The following PKP2 variants were observed in gnomAD, a reference collection of about 807,000 sequenced individuals.
PKP2 encodes plakophilin-2.
A neutral mutation model predicts 83.4 loss-of-function variants in PKP2; 73 were observed. The observed-to-expected ratio is 0.88, with a 90% CI of 0.72 to 1.06. PKP2 has a LOEUF of 1.06. Among genes scored for constraint, PKP2 ranks in the 50% least tolerant of loss-of-function variants. The pLI, the probability that PKP2 is intolerant of heterozygous loss-of-function variation, is 0.00. For synonymous variants in PKP2, 409 were observed against 430.4 expected (o/e 0.95, Z 0.62); for missense variants, 966 against 1,065.4 (o/e 0.91, Z 1.30).
intron 4 of PKP2, among the ~76,000 whole-genome samples, chr12:32,858,084 A>AAATAT (rs1233128620): frequency 1.5e-5 from 1 of 67,026 alleles, no homozygotes; most frequent in East Asian, 4.8e-4. Flanking sequence ...AAAAAAAAAA[A>AAATAT]ATATATATAT....
rs768808114 is a variant in PKP2 at position 32,792,684 on chromosome 12, G to T, written c.2405C>A (p.Ser802Tyr). ...ATGCAGTTCCGTGTGTGCCCACAGA[G>T]AATACAGAAGGACGGAAGCAGCTTT... Reference protein sequence around the residue: ...ASKAASVLLYSLWAHTELHHA... With the variant: ...ASKAASVLLYYLWAHTELHHA... The change falls in exon 12 of 13, where the codon TCT (serine) becomes TAT (tyrosine). Residue 802 changes from serine (S) to tyrosine (Y), a missense_variant. Physicochemically the swap from Ser to Tyr is moderately radical, Grantham distance 144. Transcript: ENST00000340811. 2 of 1,614,114 alleles carry T rather than the reference G, an allele frequency of 1.2e-6. No homozygotes were observed. Among genetic ancestry groups the T allele is most frequent in the Non-Finnish European group, 1.7e-6 (2 of 1,179,980 alleles).
intron 5 of PKP2, among the ~76,000 whole-genome samples, chr12:32,841,420 T>C (rs116706222): frequency 0.014 from 2,112 of 152,258 alleles, 46 homozygotes; most frequent in African/African-American, 0.044. Flanking sequence ...ATACATGGCT[T>C]AGGCTACAAA....
intron 1 of PKP2, among the ~76,000 whole-genome samples, chr12:32,891,599 C>G (rs1158284019): frequency 6.6e-6 from 1 of 152,144 alleles, no homozygotes; most frequent in Admixed American, 6.5e-5. Context: ...AAAAGCTACC[C>G]TCTGTTCCCA....
chr12:32,817,232 G>A (rs1956328523), intron 9 of PKP2, among the ~76,000 whole-genome samples: 5 of 152,180 alleles, frequency 3.3e-5, no homozygotes, highest in Admixed American at 3.3e-4. Context: ...CTAGTCATAT[G>A]CAGAACAAAA....
intron 1 of PKP2, among the ~76,000 whole-genome samples, chr12:32,895,583 C>T (rs1957115241): frequency 6.6e-6 from 1 of 152,210 alleles, no homozygotes; most frequent in Non-Finnish European, 1.5e-5. Flanking sequence ...AATGCAAACT[C>T]ACATACACAG....
chr12:32,869,243 G>A (rs1291371918), intron 3 of PKP2, among the ~76,000 whole-genome samples, 181 bp from the exon 4 acceptor site: 1 of 151,922 alleles, frequency 6.6e-6, no homozygotes, highest in Admixed American at 6.5e-5. Flanking sequence ...CTACTGGATA[G>A]AAATTCTTCA....
At position 32,878,386 on chromosome 12, in the gene PKP2, T is replaced by C. The variant is rs773552936; in HGVS notation, c.494A>G (p.Asp165Gly). Residue 165 changes from aspartate (D) to glycine (G), a missense_variant, in exon 3 of 13, where the codon GAT (aspartate) becomes GGT (glycine). Coordinates refer to ENST00000340811, the MANE Select transcript of PKP2 (RefSeq NM_001005242.3). ...CTGGCTTCTCTGGCTGTACTGGTAA[T>C]CGCTGTGCGTGTAGTGAGCCCTCTC... ...SPERAHYTHS[D>G]YQYSQRSQAG... 13 of 1,613,996 alleles carry C rather than the reference T, an allele frequency of 8.1e-6. No homozygotes were observed. The highest frequency in any genetic ancestry group is 1.1e-5 in the Non-Finnish European group (13 of 1,180,000).
In PKP2 at chr12:32,885,816, C is replaced by A. The variant is rs1957025452; in HGVS notation, c.224-6784G>T. Among the ~76,000 whole-genome samples, 7 of 151,898 alleles carry A rather than the reference C, an allele frequency of 4.6e-5. No homozygotes were observed. The South Asian group carries it at 1.4e-3, about 31-fold the overall frequency. On this transcript the variant is annotated intron_variant, in intron 1 of 12. Coordinates refer to ENST00000340811, the MANE Select transcript of PKP2 (RefSeq NM_001005242.3). The stretch of plus-strand genomic sequence containing the variant: ...TGTTTCTGGGCATATTTATAAAAAA[C>A]CAACTACAGTTTCTTTTATAGTAAG...
intron 4 of PKP2, among the ~76,000 whole-genome samples, chr12:32,861,958 T>C (rs1043805315): frequency 1.3e-5 from 2 of 152,106 alleles, no homozygotes; most frequent in South Asian, 4.1e-4. Flanking sequence ...AGTGCAGTGG[T>C]GTGATCTCAG....
At chr12:32,819,346 T>TAAAATA (rs1040381911) in intron 9 of PKP2, among the ~76,000 whole-genome samples, 1 of 146,492 alleles carries the variant, frequency 6.8e-6, no homozygotes, top group Non-Finnish European at 1.5e-5. Context: ...TAAAATAAAA[T>TAAAATA]AAAGGGGCTT....
chr12:32,805,384 T>C (rs1956218130), intron 9 of PKP2, among the ~76,000 whole-genome samples: 1 of 152,238 alleles, frequency 6.6e-6, no homozygotes, highest in Admixed American at 6.5e-5. Context: ...TGCCAGTGCC[T>C]ATGTCCTGAA....
Position 32,796,151 on chromosome 12 carries a change from G to C in PKP2, c.2315C>G (p.Thr772Ser). ...GGCCATAATTTTCTGGATGCCCCCG[G>C]TGTTTAGAAGGTCGCGTGCATTCTG... ...SYQNARDLLN[T>S]GGIQKIMAIS... Residue 772 changes from threonine (T) to serine (S), a missense_variant, in exon 11 of 13, where the codon ACC becomes AGC. Physicochemically the swap from Thr to Ser is moderately conservative, Grantham distance 58. Coordinates refer to ENST00000340811, the MANE Select transcript of PKP2 (RefSeq NM_001005242.3). The C allele has an allele frequency of 6.2e-7, 1 of 1,614,132 alleles. No individual in the cohort carries two copies. Among genetic ancestry groups the C allele is most frequent in the Non-Finnish European group, 8.5e-7 (1 of 1,180,028 alleles).
intron 8 of PKP2, 47 bp from the exon 9 acceptor site, chr12:32,821,576 G>A (rs768909690): frequency 3.2e-6 from 5 of 1,579,982 alleles, no homozygotes; most frequent in Non-Finnish European, 4.3e-6. Flanking sequence ...GTCAGGTGAT[G>A]GCTATAATTT....
At chr12:32,858,103 A>G (rs868658044) in intron 4 of PKP2, among the ~76,000 whole-genome samples, 40 of 94,586 alleles carry the variant, frequency 4.2e-4, no homozygotes, top group African/African-American at 1.8e-3. Context: ...ATATATATAT[A>G]TATATATATA....
At chr12:32,840,523 T>C (rs1270111828) in intron 6 of PKP2, among the ~76,000 whole-genome samples, 1 of 152,116 alleles carries the variant, frequency 6.6e-6, no homozygotes, top group Non-Finnish European at 1.5e-5. Context: ...GGTCTCGAAC[T>C]CCTGACCTCA....
At position 32,823,863 on chromosome 12, in the gene PKP2, A is replaced by C. The variant is rs532649063; in HGVS notation, c.1674+182T>G. 2.0e-5 allele frequency among the ~76,000 whole-genome samples: 3 copies of C among 152,192 alleles called. No homozygotes were observed. The East Asian group carries it at 5.8e-4, about 29-fold the overall frequency. ...TGATCTGCCTGCCTCAGCCTCCCAA[A>C]GTGCTGGGATTACAGGCGTGAGCCA... On this transcript the variant is annotated intron_variant, in intron 7 of 12. Coordinates refer to ENST00000340811, the MANE Select transcript of PKP2 (RefSeq NM_001005242.3).
intron 1 of PKP2, among the ~76,000 whole-genome samples, chr12:32,895,836 G>A (rs1237648011): frequency 1.3e-5 from 2 of 152,236 alleles, no homozygotes; most frequent in Non-Finnish European, 2.9e-5. Flanking sequence ...GGGGTAGGAA[G>A]CGCAGCTAGG....
intron 5 of PKP2, among the ~76,000 whole-genome samples, chr12:32,848,268 C>T (rs1956666415): frequency 6.6e-6 from 1 of 151,968 alleles, no homozygotes; most frequent in African/African-American, 2.4e-5. Flanking sequence ...ACTAAAAATA[C>T]AAAAAATTAG....
intron 4 of PKP2, among the ~76,000 whole-genome samples, chr12:32,854,275 C>T (rs918097352): frequency 6.6e-6 from 1 of 152,230 alleles, no homozygotes; most frequent in African/African-American, 2.4e-5. Context: ...GCTTTCAGCA[C>T]TTGCTCTAGC....
Sources: allele counts gnomAD v4.1 joint callset (sites outside exome capture counted in the v4.1 genomes callset), GRCh38; gene constraint gnomAD v4.1.1; transcripts MANE v1.5; gene names NCBI Gene and HGNC (gene_info 2026-07-23, HGNC 2026-07-21).